The following TMEM143 variants were observed in gnomAD, a reference collection of about 807,000 sequenced individuals.
TMEM143 encodes transmembrane protein 143.
A neutral mutation model predicts 40.3 loss-of-function variants in TMEM143; 45 were observed. The observed-to-expected ratio is 1.12, with a 90% CI of 0.88 to 1.43. The LOEUF (loss-of-function observed/expected upper bound fraction) is 1.43. TMEM143 is among the 40% of genes most tolerant of loss of function. The pLI, the probability that TMEM143 is intolerant of heterozygous loss-of-function variation, is 0.00. For synonymous variants in TMEM143, 299 were observed against 282.7 expected (o/e 1.06, Z -0.58); for missense variants, 620 against 613.4 (o/e 1.01, Z -0.11).
intron 3 of TMEM143, among the ~76,000 whole-genome samples, chr19:48,353,837 T>A (rs1360227337): frequency 6.8e-6 from 1 of 147,368 alleles, no homozygotes; most frequent in Non-Finnish European, 1.5e-5. Context: ...GAGACAGGGG[T>A]TGGAGTGACT....
At chr19:48,360,963 A>AT (rs1970027415) in intron 2 of TMEM143, among the ~76,000 whole-genome samples, 2 of 150,292 alleles carry the variant, frequency 1.3e-5, no homozygotes, top group South Asian at 4.3e-4. Context: ...ATTTTTTTCA[A>AT]TTTTTTGTAA....
intron 2 of TMEM143, among the ~76,000 whole-genome samples, chr19:48,360,998 A>G (rs1434724775): frequency 1.3e-5 from 2 of 151,434 alleles, no homozygotes; most frequent in Admixed American, 1.3e-4. Flanking sequence ...TATATTGCCC[A>G]GGCTGGTCTG....
chr19:48,344,223 C>A (rs949725233), intron 4 of TMEM143, among the ~76,000 whole-genome samples: 1 of 151,564 alleles, frequency 6.6e-6, no homozygotes, highest in African/African-American at 2.4e-5. Context: ...TAGCATTTTG[C>A]GTGCTTTTAG....
intron 2 of TMEM143, among the ~76,000 whole-genome samples, chr19:48,362,082 A>G (rs1266834508): frequency 3.3e-5 from 5 of 151,838 alleles, no homozygotes; most frequent in Admixed American, 3.3e-4. Flanking sequence ...GTGTGTGTGC[A>G]TTTGTATGTG....
chr19:48,350,816 G>C (rs954501474), intron 3 of TMEM143, among the ~76,000 whole-genome samples: 2 of 149,958 alleles, frequency 1.3e-5, no homozygotes, highest in Admixed American at 1.4e-4. Flanking sequence ...CAGCTACTTG[G>C]GAGACTGAGG....
intron 3 of TMEM143, among the ~76,000 whole-genome samples, chr19:48,347,554 CTTTTTTTTTT>C (rs1309165553): frequency 7.8e-6 from 1 of 128,458 alleles, no homozygotes; most frequent in African/African-American, 2.9e-5. Flanking sequence ...CTCTACAAAA[CTTTTTTTTTT>C]TTTTTTTTTT....
intron 3 of TMEM143, among the ~76,000 whole-genome samples, chr19:48,356,380 C>A (rs956421189): frequency 3.3e-5 from 5 of 151,284 alleles, no homozygotes; most frequent in Admixed American, 3.3e-4. Context: ...CCAGCCTTGG[C>A]CTCCCAAAGT....
intron 3 of TMEM143, among the ~76,000 whole-genome samples, chr19:48,357,446 C>T (rs967485457): frequency 3.3e-5 from 5 of 149,788 alleles, no homozygotes; most frequent in South Asian, 2.1e-4. Context: ...CTCCGCCTCC[C>T]GGGTTCACGT....
At chr19:48,363,162 C>G in intron 2 of TMEM143, 129 bp downstream of exon 2, 1 of 1,328,940 alleles carries the variant, frequency 7.5e-7, no homozygotes, top group Non-Finnish European at 1.0e-6. Flanking sequence ...TAGGGAAACA[C>G]GAAGGGACCC....
intron 3 of TMEM143, among the ~76,000 whole-genome samples, chr19:48,357,241 G>A (rs989069856): frequency 2.0e-5 from 3 of 151,714 alleles, no homozygotes; most frequent in Non-Finnish European, 2.9e-5. Flanking sequence ...ACAGGCGTGA[G>A]TCACCGCGCC....
At position 48,363,349 on chromosome 19, in the gene TMEM143, T is replaced by C; in HGVS notation, c.206A>G (p.Gln69Arg). Residue 69 changes from glutamine (Q) to arginine (R), a missense_variant, in exon 2 of 8, where the codon CAG becomes CGG. Gln to Arg is a conservative substitution (Grantham distance 43). Coordinates refer to ENST00000293261, the MANE Select transcript of TMEM143 (RefSeq NM_018273.4). ...GAAGGGAATGAAGCGCTCGCGGTAC[T>C]GCTGGGCCCAGTCGCGGGGCTCCCT... ...NPREPRDWAQ[Q>R]YRERFIPFSK... The C allele has an allele frequency of 6.2e-7, 1 of 1,614,218 alleles. No individual in the cohort carries two copies. The highest frequency in any genetic ancestry group is 8.5e-7 in the Non-Finnish European group (1 of 1,180,030).
chr19:48,346,199 CT>C (rs1424995812), intron 3 of TMEM143, among the ~76,000 whole-genome samples: 10 of 152,046 alleles, frequency 6.6e-5, no homozygotes, highest in African/African-American at 2.4e-4. Flanking sequence ...TCAAGCAGTT[CT>C]CCTGCCTCAG....
chr19:48,333,893 CT>C lies in TMEM143; in HGVS notation c.1165+114del. ...TCCTGTCTGCTGAGGGCCGGGGTCTCTTCGCAAACCCGTCAGGTTCACCCGT... is the reference window on the plus strand; with the variant it reads ...TCCTGTCTGCTGAGGGCCGGGGTCTCTCGCAAACCCGTCAGGTTCACCCGT... On this transcript the variant is annotated intron_variant, in intron 7 of 7. Transcript: ENST00000293261. This position sits in a 1 kb window ranked among gnomAD's most constrained non-coding sequence, Gnocchi z 4.1. The C allele has an allele frequency of 2.5e-6, 3 of 1,212,052 alleles. No homozygotes were observed. The highest frequency in any genetic ancestry group is 2.2e-6 in the Non-Finnish European group (2 of 896,884). 75.1% of individuals were successfully genotyped at this position (1,212,052 alleles called of 1,614,324 possible).
At position 48,359,803 on chromosome 19, in the gene TMEM143, G is replaced by A. The variant is rs571584639; in HGVS notation, c.369+269C>T. On this transcript the variant is annotated intron_variant, in intron 3 of 7. Coordinates refer to ENST00000293261, the MANE Select transcript of TMEM143 (RefSeq NM_018273.4). ...ATTACAGGCGTGAGCCACCGCGCCC[G>A]ACCCATCTCATCCCTCTTTATCTCA... is the stretch of plus-strand genomic sequence containing the variant. 51 of 344,544 alleles carry A rather than the reference G, an allele frequency of 1.5e-4. 2 individuals are homozygous for A. Among genetic ancestry groups the A allele is most frequent in the South Asian group, 1.3e-3 (38 of 28,382 alleles). 21.3% of individuals were successfully genotyped at this position (344,544 alleles called of 1,614,324 possible).
chr19:48,338,514 A>G (rs1236122564), intron 6 of TMEM143, among the ~76,000 whole-genome samples: 1 of 152,242 alleles, frequency 6.6e-6, no homozygotes, highest in Non-Finnish European at 1.5e-5. Flanking sequence ...CTCCAGGCCC[A>G]GGCACAAGCC....
intron 3 of TMEM143, among the ~76,000 whole-genome samples, chr19:48,356,596 AT>A (rs36077135): frequency 0.02 from 2,745 of 135,850 alleles, 119 homozygotes; most frequent in African/African-American, 0.071. Context: ...GGCCCAGGTA[AT>A]TTTTTTTTTT....
At chr19:48,336,975 C>G (rs187357335) in intron 6 of TMEM143, among the ~76,000 whole-genome samples, 3 of 148,970 alleles carry the variant, frequency 2.0e-5, no homozygotes, top group African/African-American at 7.4e-5. Flanking sequence ...GAGCTGAGAT[C>G]GCACCACTGC....
chr19:48,350,433 G>A (rs1969740176), intron 3 of TMEM143, among the ~76,000 whole-genome samples: 2 of 152,190 alleles, frequency 1.3e-5, no homozygotes, highest in Middle Eastern at 3.4e-3. Context: ...GGTTCACTCT[G>A]TTATCCCCCT....
At chr19:48,360,270 G>A (rs1970009162) in intron 2 of TMEM143, 94 bp from the exon 3 acceptor site, 9 of 1,276,584 alleles carry the variant, frequency 7.1e-6, no homozygotes, top group Middle Eastern at 1.8e-4. Context: ...CACAATCAGA[G>A]CTCTGGACTT....
Sources: allele counts gnomAD v4.1 joint callset (sites outside exome capture counted in the v4.1 genomes callset), GRCh38; gene constraint gnomAD v4.1.1; non-coding constraint Gnocchi (gnomAD v3.1); transcripts MANE v1.5; gene names NCBI Gene and HGNC (gene_info 2026-07-23, HGNC 2026-07-21).